CNTNAP2: variants seen among roughly 807,000 people sequenced by gnomAD.
CNTNAP2 encodes contactin-associated protein-like 2.
In CNTNAP2, 98 loss-of-function variants were observed where a neutral mutation model predicts 155.2. The ratio of observed to expected loss-of-function variants is 0.63; its 90% CI spans 0.54 to 0.75. The LOEUF (loss-of-function observed/expected upper bound fraction) is 0.75. Among genes scored for constraint, CNTNAP2 ranks in the 30% least tolerant of loss-of-function variants. The pLI is 0.00. For synonymous variants in CNTNAP2, 651 were observed against 631.2 expected, an observed-to-expected ratio of 1.03 and a Z score of -0.47; for missense variants, 1,727 against 1,688.1, an observed-to-expected ratio of 1.02 and a Z score of -0.40.
chr7:146,231,140 T>C (rs1396219344), intron 1 of CNTNAP2, among the ~76,000 whole-genome samples: 1 of 152,194 alleles, frequency 6.6e-6, no homozygotes, highest in Non-Finnish European at 1.5e-5. Context: ...TTAAGCTCTA[T>C]GATTGCAGGA....
At chr7:146,749,281 A>C (rs527369696) in intron 1 of CNTNAP2, among the ~76,000 whole-genome samples, 1 of 152,204 alleles carries the variant, frequency 6.6e-6, no homozygotes, top group African/African-American at 2.4e-5. Flanking sequence ...TAAACCTAAC[A>C]GCAGTTTTCT....
intron 13 of CNTNAP2, among the ~76,000 whole-genome samples, chr7:147,879,465 T>C (rs1345014920): frequency 7.2e-6 from 1 of 139,566 alleles, no homozygotes; most frequent in East Asian, 1.9e-4. Context: ...AGATGGAAAT[T>C]TTTTTTTTTA....
intron 3 of CNTNAP2, among the ~76,000 whole-genome samples, chr7:146,868,515 G>A (rs542180413): frequency 9.9e-5 from 15 of 152,118 alleles, no homozygotes; most frequent in East Asian, 5.8e-4. Context: ...TTTTGGTTCC[G>A]TATGAATTTT....
chr7:147,007,231 G>T (rs927033945), intron 3 of CNTNAP2, among the ~76,000 whole-genome samples: 3 of 152,066 alleles, frequency 2.0e-5, no homozygotes, highest in Admixed American at 6.6e-5. Flanking sequence ...TTCTGCTAGG[G>T]CCAGGTAAGT....
intron 9 of CNTNAP2, among the ~76,000 whole-genome samples, chr7:147,325,872 T>G (rs1261617252): frequency 2.6e-5 from 4 of 152,160 alleles, no homozygotes; most frequent in African/African-American, 7.2e-5. Flanking sequence ...CATTAAAAAC[T>G]AACTCCCTAT....
In CNTNAP2 at chr7:148,230,106, A is replaced by G. The variant is rs371117059; in HGVS notation, c.3381+327A>G. 6.6e-5 allele frequency among the ~76,000 whole-genome samples: 10 copies of G among 152,314 alleles called. 1 individual carries two copies. Among genetic ancestry groups the G allele is most frequent in the African/African-American group, 2.2e-4 (9 of 41,572 alleles). On this transcript the variant is annotated intron_variant, in intron 20 of 23. Transcript: ENST00000361727. ...CCATCTTTCTTCGCCAAGCTCTCAG[A>G]CATCTGAAACTTACCGTGTTTCCCA...
chr7:148,223,936 C>T (rs772294930), intron 19 of CNTNAP2, among the ~76,000 whole-genome samples: 27 of 152,150 alleles, frequency 1.8e-4, no homozygotes, highest in African/African-American at 5.8e-4. Context: ...CCGGTTCCTC[C>T]GACCTCTAGG....
chr7:146,967,067 A>T (rs532737765), intron 3 of CNTNAP2, among the ~76,000 whole-genome samples: 52 of 152,242 alleles, frequency 3.4e-4, no homozygotes, highest in African/African-American at 1.2e-3. Flanking sequence ...ATCACAGAAG[A>T]TCAATGTTTA....
chr7:148,415,713 T>TA lies in CNTNAP2; in HGVS notation c.*101dup, dbSNP rs1304503133. On this transcript the variant is annotated 3_prime_UTR_variant, in exon 24 of 24. Transcript: ENST00000361727. ...TGCTTCATACTCTTGAGCACATCCTTAAAATATCAGCACAAGTTGGGGGAG... is the reference window on the plus strand; with the variant it reads ...TGCTTCATACTCTTGAGCACATCCTTAAAAATATCAGCACAAGTTGGGGGAG... 2.3e-5 allele frequency: 32 copies of TA among 1,380,688 alleles called. No individual in the cohort carries two copies. In the Admixed American group the frequency reaches 5.6e-4, roughly 24 times the overall value. The allele number at this position is 1,380,688 out of a possible 1,614,324, so 85.5% of individuals were successfully genotyped here.
chr7:146,256,638 A>G (rs1275912193), intron 1 of CNTNAP2, among the ~76,000 whole-genome samples: 1 of 152,030 alleles, frequency 6.6e-6, no homozygotes, highest in East Asian at 1.9e-4. Context: ...AATTAAAAAT[A>G]TAAGAAAATA....
chr7:147,415,052 C>T (rs1797170016), intron 10 of CNTNAP2, among the ~76,000 whole-genome samples: 1 of 151,788 alleles, frequency 6.6e-6, no homozygotes, highest in Admixed American at 6.6e-5. Flanking sequence ...GGCTCTATCA[C>T]CTGTCACCAG....
At chr7:148,049,808 G>T (rs535631284) in intron 15 of CNTNAP2, among the ~76,000 whole-genome samples, 1 of 152,260 alleles carries the variant, frequency 6.6e-6, no homozygotes, top group East Asian at 1.9e-4. Context: ...TTATGTATTT[G>T]CTATATTATA....
intron 2 of CNTNAP2, among the ~76,000 whole-genome samples, chr7:146,795,511 A>G (rs1802752903): frequency 6.6e-6 from 1 of 152,220 alleles, no homozygotes; most frequent in African/African-American, 2.4e-5. Flanking sequence ...CAGTGTGCCA[A>G]ATGTCATGGA....
chr7:147,407,191 G>C (rs1053827958), intron 10 of CNTNAP2, among the ~76,000 whole-genome samples: 1 of 151,944 alleles, frequency 6.6e-6, no homozygotes, highest in East Asian at 1.9e-4. Context: ...ACATAAGGCC[G>C]GGTGCAGTGG....
At chr7:147,375,164 T>C (rs1584908883) in intron 9 of CNTNAP2, among the ~76,000 whole-genome samples, 1 of 151,980 alleles carries the variant, frequency 6.6e-6, no homozygotes, top group African/African-American at 2.4e-5. Flanking sequence ...GAACTGTAAG[T>C]CAATTAAACC....
intron 3 of CNTNAP2, among the ~76,000 whole-genome samples, chr7:146,948,644 A>G (rs1189365361): frequency 1.3e-5 from 2 of 152,330 alleles, no homozygotes; most frequent in East Asian, 1.9e-4. Flanking sequence ...GTAAAACAAT[A>G]AATTTTGAGT....
rs575134847 is a variant in CNTNAP2 at position 147,357,661 on chromosome 7, G to A, written c.1499-37948G>A. 3.3e-5 allele frequency among the ~76,000 whole-genome samples: 5 copies of A among 152,196 alleles called. No homozygotes were observed. The South Asian group carries it at 8.3e-4, about 25-fold the overall frequency. ...ACGTGTGACTTACTCTCCTGGACAC[G>A]AGTCTTGTTTTATAGTCTAGCTTAG... On this transcript the variant is annotated intron_variant, in intron 9 of 23. Transcript: ENST00000361727.
chr7:146,772,039 T>G (rs1563224279), intron 1 of CNTNAP2, among the ~76,000 whole-genome samples: 1 of 152,044 alleles, frequency 6.6e-6, no homozygotes, highest in Admixed American at 6.6e-5. Flanking sequence ...CCTACAAATG[T>G]TTTTAGAGTA....
At chr7:148,152,831 T>C (rs1348801049) in intron 17 of CNTNAP2, among the ~76,000 whole-genome samples, 3 of 151,906 alleles carry the variant, frequency 2.0e-5, no homozygotes, top group Non-Finnish European at 4.4e-5. Flanking sequence ...CCATCCTGGC[T>C]AGCACGGTGA....
Sources: gnomAD v4.1 joint callset for allele counts (sites outside exome capture counted in the v4.1 genomes callset) on GRCh38, gnomAD v4.1.1 for gene constraint, MANE v1.5 for transcripts, NCBI Gene and HGNC (gene_info 2026-07-23, HGNC 2026-07-21) for gene names.